The following MCF2L variants were observed in gnomAD, a reference collection of about 807,000 sequenced individuals.
MCF2L encodes guanine nucleotide exchange factor DBS.
Under a neutral mutation model 153.4 loss-of-function variants are expected in MCF2L, and 97 were observed. The observed-to-expected ratio is 0.63, with a 90% confidence interval of 0.54 to 0.75. The LOEUF (loss-of-function observed/expected upper bound fraction) is 0.75, where lower values mean the gene tolerates loss of function less well. Ranked by LOEUF, MCF2L falls within the 30% of genes least tolerant of loss-of-function variation. The probability of loss-of-function intolerance (pLI) is 0.00; values close to 1 mark genes in which losing one functional copy is unlikely to be tolerated. For synonymous variants in MCF2L, 659 were observed against 632.2 expected (o/e 1.04, Z -0.64); for missense variants, 1,347 against 1,495.2 (o/e 0.90, Z 1.64).
Position 113,046,626 on chromosome 13 carries a change from C to T in MCF2L, c.369+1265C>T, listed in dbSNP as rs770619792. 1 of 533,392 alleles carries T rather than the reference C, an allele frequency of 1.9e-6. No homozygotes were observed. The highest frequency in any genetic ancestry group is 3.8e-6 in the Non-Finnish European group (1 of 259,940). 33.0% of individuals were successfully genotyped at this position (533,392 alleles called of 1,614,324 possible). Reference sequence around the variant, plus strand: ...TAGAGGCCCCATATCTGCTCCGATGCCCACAACCTTCATCGTTTTGGTGCA... The same window carrying T: ...TAGAGGCCCCATATCTGCTCCGATGTCCACAACCTTCATCGTTTTGGTGCA... On this transcript the variant is annotated intron_variant, in intron 4 of 29. Coordinates refer to ENST00000535094, the MANE Select transcript of MCF2L (RefSeq NM_001112732.3). The surrounding 1 kb of genome is among the most constrained non-coding windows in gnomAD (Gnocchi z 4.4).
At chr13:112,909,106 C>T in intron 2 of MCF2L, 1 of 715,676 alleles carries the variant, frequency 1.4e-6, no homozygotes, top group South Asian at 1.6e-5. Flanking sequence ...TGAACTGTTC[C>T]CACTGCAAAG....
In MCF2L at chr13:113,098,822, G is replaced by A. The variant is rs947639590; in HGVS notation, c.*1963G>A. 3.9e-5 allele frequency: 6 copies of A among 152,258 alleles called. No individual in the cohort carries two copies. The highest frequency in any genetic ancestry group is 1.4e-4 in the African/African-American group (6 of 41,452). 9.4% of individuals were successfully genotyped at this position (152,258 alleles called of 1,614,324 possible). A position where few individuals can be genotyped will look rare whatever the true frequency, so the allele number is the denominator to read the frequency against. The stretch of plus-strand genomic sequence containing the variant: ...ACCATTACAGAATCACAATGCAGCC[G>A]ACACTCTCCAGACCAGAAAAGGGAG... On this transcript the variant is annotated 3_prime_UTR_variant, in exon 30 of 30. Coordinates refer to ENST00000535094, the MANE Select transcript of MCF2L (RefSeq NM_001112732.3).
At chr13:112,984,534 G>T (rs183727704) in intron 1 of MCF2L, among the ~76,000 whole-genome samples, 1 of 151,876 alleles carries the variant, frequency 6.6e-6, no homozygotes, top group Non-Finnish European at 1.5e-5. Context: ...CATTGCGCCC[G>T]GCCTAGAAAT....
chr13:113,033,464 G>A (rs959832747), intron 3 of MCF2L, among the ~76,000 whole-genome samples: 21 of 150,944 alleles, frequency 1.4e-4, no homozygotes, highest in South Asian at 2.1e-4. Context: ...AGTGGCCCCC[G>A]TGGCGTGAGT....
intron 2 of MCF2L, among the ~76,000 whole-genome samples, chr13:112,963,275 G>T (rs535711258): frequency 7.2e-5 from 11 of 152,336 alleles, no homozygotes; most frequent in African/African-American, 2.6e-4. Context: ...TGCTTTTGAA[G>T]GAATTCTTTC....
intron 2 of MCF2L, among the ~76,000 whole-genome samples, chr13:112,950,019 C>T (rs1180743192): frequency 2.1e-5 from 3 of 142,692 alleles, no homozygotes; most frequent in African/African-American, 8.0e-5. Context: ...AAAAAAAAAA[C>T]TCCTAAAGCT....
rs911057315 is a variant in MCF2L, at chr13:113,045,118, G to A, written c.279-153G>A. 1.7e-5 allele frequency: 16 copies of A among 934,542 alleles called. No homozygotes were observed. Among genetic ancestry groups the A allele is most frequent in the African/African-American group, 9.8e-5 (6 of 61,372 alleles). The allele number at this position is 934,542 out of a possible 1,614,324, so 57.9% of individuals were successfully genotyped here. On this transcript the variant is annotated intron_variant, in intron 3 of 29. Coordinates refer to ENST00000535094, the MANE Select transcript of MCF2L (RefSeq NM_001112732.3). This position sits in a 1 kb window ranked among gnomAD's most constrained non-coding sequence, Gnocchi z 4.2. ...CTGGGACTGCGGGGATGGGGCTGCC[G>A]GGGCCCCCGTGTGCCATGCCTCTCA...
chr13:112,945,729 T>C (rs972515217), intron 2 of MCF2L, among the ~76,000 whole-genome samples: 14 of 152,192 alleles, frequency 9.2e-5, no homozygotes, highest in African/African-American at 3.4e-4. Flanking sequence ...TTCTGTCTAG[T>C]GGGAGAATGA....
At chr13:113,014,450 C>T (rs2084377419) in intron 1 of MCF2L, among the ~76,000 whole-genome samples, 1 of 152,322 alleles carries the variant, frequency 6.6e-6, no homozygotes, top group Non-Finnish European at 1.5e-5. Flanking sequence ...CAAGCCCTTT[C>T]CCACTGCTCC....
chr13:113,066,585 G>T (rs1389952374), intron 8 of MCF2L, among the ~76,000 whole-genome samples: 1 of 152,182 alleles, frequency 6.6e-6, no homozygotes, highest in Non-Finnish European at 1.5e-5. Context: ...TGAAAGGTGT[G>T]ATTCTCATAT....
At chr13:112,995,109 C>A (rs2083070127) in intron 1 of MCF2L, among the ~76,000 whole-genome samples, 2 of 152,232 alleles carry the variant, frequency 1.3e-5, no homozygotes, top group Non-Finnish European at 2.9e-5. Flanking sequence ...CCGTGTTCTC[C>A]TCTCCAGGAT....
Position 113,054,472 on chromosome 13 carries a change from G to C in MCF2L, c.370-6121G>C, listed in dbSNP as rs758879892. ...CATTGTTTTCCTCACCCGGTCCAGC[G>C]TCTCTGATTCCGGCTCTAACGTCTT... On this transcript the variant is annotated intron_variant, in intron 4 of 29. Transcript: ENST00000535094. This position sits in a 1 kb window ranked among gnomAD's most constrained non-coding sequence, Gnocchi z 5.2. 6.0e-6 allele frequency: 1 copy of C among 166,200 alleles called. No individual in the cohort carries two copies. The highest frequency in any genetic ancestry group is 2.4e-5 in the African/African-American group (1 of 41,450). 10.3% of individuals were successfully genotyped at this position (166,200 alleles called of 1,614,324 possible). A position where few individuals can be genotyped will look rare whatever the true frequency, so the allele number is the denominator to read the frequency against.
In MCF2L at chr13:113,053,510, G is replaced by T. The variant is rs1386680159; in HGVS notation, c.370-7083G>T. On this transcript the variant is annotated intron_variant, in intron 4 of 29. Transcript: ENST00000535094. The surrounding 1 kb of genome is among the most constrained non-coding windows in gnomAD (Gnocchi z 4.4). Reference sequence around the variant, plus strand: ...GTCCATGTGTCCCGTGATTGGGGCGGTGTTGTGTGCTCAGACGGCCAAGGA... The same window carrying T: ...GTCCATGTGTCCCGTGATTGGGGCGTTGTTGTGTGCTCAGACGGCCAAGGA... Among the ~76,000 whole-genome samples, 1 of 152,232 alleles carries T rather than the reference G, an allele frequency of 6.6e-6. No individual in the cohort carries two copies. Among genetic ancestry groups the T allele is most frequent in the East Asian group, 1.9e-4 (1 of 5,194 alleles).
At position 113,059,019 on chromosome 13, in the gene MCF2L, G is replaced by C. The variant is rs536413683; in HGVS notation, c.370-1574G>C. On this transcript the variant is annotated intron_variant, in intron 4 of 29. Coordinates refer to ENST00000535094, the MANE Select transcript of MCF2L (RefSeq NM_001112732.3). ...GCCATTTGGGTGCTGAGTGGGTGCTGAGTGTTTGGGTGCTGAGGACAGACT... is the reference window on the plus strand; with the variant it reads ...GCCATTTGGGTGCTGAGTGGGTGCTCAGTGTTTGGGTGCTGAGGACAGACT... Among the ~76,000 whole-genome samples the C allele has an allele frequency of 9.5e-3, 1,402 of 147,290 alleles. 11 individuals are homozygous for C. Among genetic ancestry groups the C allele is most frequent in the Admixed American group, 0.016 (229 of 14,752 alleles).
chr13:113,049,773 A>G (rs1439578289), intron 4 of MCF2L, among the ~76,000 whole-genome samples: 1 of 152,246 alleles, frequency 6.6e-6, no homozygotes, highest in Non-Finnish European at 1.5e-5. Context: ...CGCAGCGCTT[A>G]CATAATGTGC....
chr13:112,976,510 G>A (rs556863629), intron 1 of MCF2L, among the ~76,000 whole-genome samples: 3 of 152,318 alleles, frequency 2.0e-5, no homozygotes, highest in African/African-American at 4.8e-5. Flanking sequence ...GGGACCACAC[G>A]CGGCTCTGGG....
rs933983731 is a variant in MCF2L, at chr13:113,087,576, G to A, written c.2595+120G>A. ...AGCTCTCAGCCTTAGGTGTAGGGGT[G>A]GGGTATTCTGCCATTCTTAGCCCTC... On this transcript the variant is annotated intron_variant, in intron 22 of 29. Coordinates refer to ENST00000535094, the MANE Select transcript of MCF2L (RefSeq NM_001112732.3). 4.6e-5 allele frequency: 51 copies of A among 1,097,514 alleles called. No homozygotes were observed. The South Asian group carries it at 6.7e-4, about 14-fold the overall frequency. 68.0% of individuals were successfully genotyped at this position (1,097,514 alleles called of 1,614,324 possible).
intron 12 of MCF2L, 102 bp from the exon 13 acceptor site, chr13:113,076,950 A>T (rs1274218559): frequency 7.8e-7 from 1 of 1,279,906 alleles, no homozygotes; most frequent in Non-Finnish European, 1.1e-6. Flanking sequence ...AGAACATTTA[A>T]AGCGGGGGTT....
At chr13:112,902,491 C>A in intron 2 of MCF2L, 6 of 1,036,536 alleles carry the variant, frequency 5.8e-6, no homozygotes, top group Non-Finnish European at 8.1e-6. Flanking sequence ...CCTGGGAATG[C>A]ATGACCCCCC....
Sources: allele counts gnomAD v4.1 joint callset (sites outside exome capture counted in the v4.1 genomes callset), GRCh38; gene constraint gnomAD v4.1.1; non-coding constraint Gnocchi (gnomAD v3.1); transcripts MANE v1.5; gene names NCBI Gene and HGNC (gene_info 2026-07-23, HGNC 2026-07-21).